The following SRGAP2C variants were observed in gnomAD, a reference collection of about 807,000 sequenced individuals.
The protein encoded by SRGAP2C is SLIT-ROBO Rho GTPase activating protein 2C, also known as SLIT-ROBO Rho GTPase-activating protein 2C.
Under a neutral mutation model 25.1 loss-of-function variants are expected in SRGAP2C, and 15 were observed. The observed-to-expected ratio is 0.60, with a 90% CI of 0.40 to 0.92. SRGAP2C has a LOEUF of 0.92. Ranked by LOEUF, SRGAP2C falls within the 40% of genes least tolerant of loss-of-function variation. SRGAP2C has a pLI of 0.00. For missense variants in SRGAP2C, 144 were observed against 264.4 expected, an observed-to-expected ratio of 0.54 and a Z score of 3.16; for synonymous variants, 44 against 96.6, an observed-to-expected ratio of 0.46 and a Z score of 3.19.
At chr1:121,230,687 C>T (rs1442656514) in intron 2 of SRGAP2C, among the ~76,000 whole-genome samples, 2 of 149,170 alleles carry the variant, frequency 1.3e-5, no homozygotes, top group African/African-American at 2.5e-5. Flanking sequence ...TTATCAAAGG[C>T]CTTTCCCAAA....
At chr1:121,236,079 A>AG (rs1655950931) in intron 2 of SRGAP2C, among the ~76,000 whole-genome samples, 1 of 141,046 alleles carries the variant, frequency 7.1e-6, no homozygotes, top group Non-Finnish European at 1.5e-5. Flanking sequence ...CAAAAAAAAA[A>AG]AAAAGGTGTT....
chr1:121,353,422 ATCTT>A (rs1658976037), intron 4 of SRGAP2C, among the ~76,000 whole-genome samples: 2 of 147,940 alleles, frequency 1.4e-5, no homozygotes, highest in South Asian at 4.4e-4. Flanking sequence ...GCTTCAAGTG[ATCTT>A]CCTGCCTTGG....
At chr1:121,359,303 TTAA>T (rs1374069066) in intron 4 of SRGAP2C, among the ~76,000 whole-genome samples, 53 of 113,806 alleles carry the variant, frequency 4.7e-4, no homozygotes, top group South Asian at 3.5e-3. Flanking sequence ...TAATGACTCA[TTAA>T]TGAGTTGTAA....
At chr1:121,374,695 C>T in intron 6 of SRGAP2C, 131 bp from the exon 7 acceptor site, 2 of 611,932 alleles carry the variant, frequency 3.3e-6, no homozygotes, top group Non-Finnish European at 5.9e-6. Flanking sequence ...AATTAGAACC[C>T]AATTTAAGGC....
chr1:121,212,262 C>T (rs1354396996), intron 2 of SRGAP2C, among the ~76,000 whole-genome samples: 1 of 136,840 alleles, frequency 7.3e-6, no homozygotes, highest in African/African-American at 2.7e-5. Context: ...TCCCAAGTAG[C>T]TGGGACTACA....
intron 3 of SRGAP2C, among the ~76,000 whole-genome samples, chr1:121,313,908 A>T (rs1443096266): frequency 5.0e-5 from 7 of 139,362 alleles, no homozygotes; most frequent in African/African-American, 1.9e-4. Flanking sequence ...TGTGTCTTCG[A>T]GTTGCTCTTC....
At chr1:121,362,499 C>A (rs1394001037) in intron 4 of SRGAP2C, among the ~76,000 whole-genome samples, 1 of 151,206 alleles carries the variant, frequency 6.6e-6, no homozygotes, top group African/African-American at 2.4e-5. Flanking sequence ...ACTTTTCCCT[C>A]CTCTTCTTCC....
At chr1:121,305,159 A>G (rs1553339318) in intron 3 of SRGAP2C, among the ~76,000 whole-genome samples, 2 of 151,168 alleles carry the variant, frequency 1.3e-5, no homozygotes, top group Non-Finnish European at 2.9e-5. Flanking sequence ...TCTCCTTGCC[A>G]TTCTCCCTGA....
chr1:121,234,983 A>G (rs1570725811), intron 2 of SRGAP2C, among the ~76,000 whole-genome samples: 1 of 132,554 alleles, frequency 7.5e-6, no homozygotes, highest in African/African-American at 2.9e-5. Flanking sequence ...TCCCTCCCTC[A>G]CTTCCTTCAC....
intron 7 of SRGAP2C, among the ~76,000 whole-genome samples, chr1:121,378,790 A>G (rs1199007896): frequency 1.3e-5 from 2 of 152,100 alleles, no homozygotes; most frequent in Non-Finnish European, 2.9e-5. Flanking sequence ...GATAAGTGAA[A>G]AGAAGTTATT....
intron 2 of SRGAP2C, among the ~76,000 whole-genome samples, chr1:121,265,187 A>G (rs1553334101): frequency 6.8e-6 from 1 of 146,130 alleles, no homozygotes; most frequent in African/African-American, 2.5e-5. Flanking sequence ...CAACCAAGTG[A>G]GACTCTGTCT....
At chr1:121,228,772 G>A (rs1346523500) in intron 2 of SRGAP2C, among the ~76,000 whole-genome samples, 2 of 150,808 alleles carry the variant, frequency 1.3e-5, no homozygotes, top group Admixed American at 1.3e-4. Context: ...TTATGTATGT[G>A]AGAATGGATT....
At chr1:121,323,087 A>C (rs1468095601) in intron 3 of SRGAP2C, among the ~76,000 whole-genome samples, 2 of 151,658 alleles carry the variant, frequency 1.3e-5, no homozygotes, top group African/African-American at 4.9e-5. Context: ...TCATCTGCCA[A>C]ATGTGGTTAA....
intron 3 of SRGAP2C, among the ~76,000 whole-genome samples, chr1:121,308,027 C>A (rs1281018907): frequency 2.6e-5 from 4 of 151,982 alleles, no homozygotes; most frequent in Non-Finnish European, 5.9e-5. Flanking sequence ...CAGTTTTGCT[C>A]CCTCTGGGTT....
intron 8 of SRGAP2C, among the ~76,000 whole-genome samples, chr1:121,386,063 T>C (rs1490211586): frequency 2.3e-5 from 2 of 87,708 alleles, no homozygotes; most frequent in African/African-American, 5.1e-5. Context: ...AAACACATGC[T>C]GGCTGCCAGC....
At position 121,190,136 on chromosome 1, in the gene SRGAP2C, C is replaced by T. The variant is rs587636265; in HGVS notation, c.67+2623C>T. On this transcript the variant is annotated intron_variant, in intron 2 of 9. Coordinates refer to ENST00000367123, the MANE Select transcript of SRGAP2C (RefSeq NM_001329984.2). ...ACAGAATTTGGAGACAAAGGGCCTG[C>T]GATCTGGTTTGGCTCTGCCTCCCAC... 4.6e-5 allele frequency among the ~76,000 whole-genome samples: 7 copies of T among 152,304 alleles called. No homozygotes were observed. The East Asian group carries it at 5.8e-4, about 13-fold the overall frequency.
chr1:121,274,931 C>T (rs1476582158), intron 2 of SRGAP2C, among the ~76,000 whole-genome samples: 54 of 146,646 alleles, frequency 3.7e-4, no homozygotes, highest in Non-Finnish European at 7.1e-4. Flanking sequence ...ACCTTCAAGT[C>T]ACAAGGCTTC....
At chr1:121,343,192 A>T (rs1354695258) in intron 4 of SRGAP2C, among the ~76,000 whole-genome samples, 1 of 151,832 alleles carries the variant, frequency 6.6e-6, no homozygotes, top group Non-Finnish European at 1.5e-5. Flanking sequence ...TTTTTCAAAC[A>T]TTGATATATC....
At chr1:121,348,537 T>A (rs1319856698) in intron 4 of SRGAP2C, among the ~76,000 whole-genome samples, 1 of 151,898 alleles carries the variant, frequency 6.6e-6, no homozygotes, top group Non-Finnish European at 1.5e-5. Context: ...TCACAACCTT[T>A]TCTGCAGTAT....
Sources: gnomAD v4.1 joint callset for allele counts (sites outside exome capture counted in the v4.1 genomes callset) on GRCh38, gnomAD v4.1.1 for gene constraint, MANE v1.5 for transcripts, NCBI Gene and HGNC (gene_info 2026-07-23, HGNC 2026-07-21) for gene names.